Variants in BEAN1 observed in about 807,000 individuals in gnomAD.
BEAN1 encodes the protein brain expressed associated with NEDD4 1.
Under a neutral mutation model 17.7 loss-of-function variants are expected in BEAN1, and 17 were observed. The ratio of observed to expected loss-of-function variants is 0.96; its 90% CI spans 0.66 to 1.44. The LOEUF is 1.44. BEAN1 is among the 40% of genes most tolerant of loss of function. The probability of loss-of-function intolerance (pLI) is 0.00; values close to 1 mark genes in which losing one functional copy is unlikely to be tolerated. For synonymous variants in BEAN1, 142 were observed against 151.8 expected (o/e 0.94, Z 0.47); for missense variants, 359 against 374.1 (o/e 0.96, Z 0.33).
intron 2 of BEAN1, among the ~76,000 whole-genome samples, chr16:66,461,206 G>A (rs1042548933): frequency 6.7e-6 from 1 of 150,270 alleles, no homozygotes; most frequent in Non-Finnish European, 1.5e-5. Flanking sequence ...GTGGGAAGGG[G>A]GATTGTCATC....
At chr16:66,458,241 C>CT (rs1962947135) in intron 2 of BEAN1, among the ~76,000 whole-genome samples, 2 of 152,176 alleles carry the variant, frequency 1.3e-5, no homozygotes, top group African/African-American at 4.8e-5. Flanking sequence ...GAGCACTTCC[C>CT]TGAACCCAGA....
intron 2 of BEAN1, among the ~76,000 whole-genome samples, chr16:66,441,902 C>T (rs985557415): frequency 6.6e-6 from 1 of 152,156 alleles, no homozygotes; most frequent in Non-Finnish European, 1.5e-5. Context: ...CCCTCAACAC[C>T]GTCTTACTTT....
At chr16:66,449,202 T>C (rs1391007136) in intron 2 of BEAN1, among the ~76,000 whole-genome samples, 1 of 152,090 alleles carries the variant, frequency 6.6e-6, no homozygotes, top group Non-Finnish European at 1.5e-5. Flanking sequence ...TTGCTCAGTA[T>C]TATGTTGTGA....
At chr16:66,472,786 A>G (rs8047713) in intron 3 of BEAN1, among the ~76,000 whole-genome samples, 22,374 of 152,042 alleles carry the variant, frequency 0.15, 2,201 homozygotes, top group African/African-American at 0.26. Flanking sequence ...TTGGGAGGCC[A>G]AGGTGGGAGG....
In BEAN1 at chr16:66,482,516, G is replaced by C; in HGVS notation, c.*1591G>C. 4.9e-6 allele frequency: 1 copy of C among 202,924 alleles called. No homozygotes were observed. Among genetic ancestry groups the C allele is most frequent in the Non-Finnish European group, 1.0e-5 (1 of 98,410 alleles). 12.6% of individuals were successfully genotyped at this position (202,924 alleles called of 1,614,324 possible). ...CAGACTCCATCTGGGGGAGGGACTT[G>C]TTTACAAGCAGTTCTGACCACCTTA... On this transcript the variant is annotated 3_prime_UTR_variant, in exon 5 of 5. Coordinates refer to ENST00000536005, the MANE Select transcript of BEAN1 (RefSeq NM_001178020.3).
intron 4 of BEAN1, among the ~76,000 whole-genome samples, chr16:66,492,266 T>A (rs999721167): frequency 6.6e-6 from 1 of 151,622 alleles, no homozygotes; most frequent in African/African-American, 2.4e-5. Flanking sequence ...GGTCTCAAAC[T>A]CCTGACCTGA....
intron 2 of BEAN1, among the ~76,000 whole-genome samples, chr16:66,440,162 C>T (rs187058056): frequency 3.6e-5 from 5 of 139,666 alleles, no homozygotes; most frequent in Admixed American, 2.2e-4. Context: ...TGGAGTTTCA[C>T]GCTGCCACCC....
chr16:66,483,719 T>C (rs1964044577), downstream of BEAN1: 1 of 152,024 alleles, frequency 6.6e-6, no homozygotes, highest in African/African-American at 2.4e-5. Context: ...AAAATTCGAA[T>C]AGTCCATTAA....
chr16:66,478,333 G>A (rs1963844785), intron 4 of BEAN1, among the ~76,000 whole-genome samples: 2 of 152,210 alleles, frequency 1.3e-5, no homozygotes, highest in Admixed American at 6.5e-5. Flanking sequence ...GCCGGGCGTG[G>A]GGGCTCACGC....
In BEAN1 at chr16:66,493,170, CA is replaced by C; in HGVS notation, c.357del (p.Arg120GlyfsTer24). ...GAAGCCGTTCTCAGAACCGCGGGCA[CA>C]CGGATGCTTGAGCCGGGCACAGAGA... On this transcript the variant is annotated frameshift_variant, in exon 5 of 5. Coordinates refer to the BEAN1 transcript ENST00000561796. LOFTEE classifies it low-confidence loss of function (END_TRUNC). 1 of 702,990 alleles carries C rather than the reference CA, an allele frequency of 1.4e-6. No individual in the cohort carries two copies. Among genetic ancestry groups the C allele is most frequent in the South Asian group, 1.5e-5 (1 of 67,602 alleles). 43.5% of individuals were successfully genotyped at this position (702,990 alleles called of 1,614,324 possible).
At chr16:66,466,980 T>TA (rs1294419903) in intron 2 of BEAN1, among the ~76,000 whole-genome samples, 1 of 152,208 alleles carries the variant, frequency 6.6e-6, no homozygotes, top group East Asian at 1.9e-4. Flanking sequence ...AGGATGGAAG[T>TA]GTAGTCTTGG....
Position 66,469,787 on chromosome 16 carries a change from C to A in BEAN1, c.211C>A (p.Arg71Ser), listed in dbSNP as rs1963399842. The change falls in exon 3 of 5, where the codon CGC becomes AGC. Residue 71 changes from arginine (R) to serine (S), a missense_variant. Coordinates refer to ENST00000536005, the MANE Select transcript of BEAN1 (RefSeq NM_001178020.3). ...RDRQARLQRH[R>S]HRHHRHHHHH... ...CAGGCAGGCCCGGCTTCAGCGGCAC[C>A]GCCACCGCCACCACCGCCACCACCA... The A allele has an allele frequency of 6.5e-7, 1 of 1,535,706 alleles. No individual in the cohort carries two copies. The highest frequency in any genetic ancestry group is 8.7e-7 in the Non-Finnish European group (1 of 1,146,742).
chr16:66,462,309 G>C (rs1229904216), intron 2 of BEAN1, among the ~76,000 whole-genome samples: 1 of 152,226 alleles, frequency 6.6e-6, no homozygotes, highest in Non-Finnish European at 1.5e-5. Context: ...ATAAAAATTA[G>C]AGGTTGGCAC....
chr16:66,464,058 T>C (rs1359804567), intron 2 of BEAN1, among the ~76,000 whole-genome samples: 1 of 152,226 alleles, frequency 6.6e-6, no homozygotes, highest in Non-Finnish European at 1.5e-5. Context: ...AATCAGGAAA[T>C]GCGTCCCCTC....
At chr16:66,494,423 G>A (rs1964219083), downstream of BEAN1, among the ~76,000 whole-genome samples, 1 of 152,128 alleles carries the variant, frequency 6.6e-6, no homozygotes, top group Non-Finnish European at 1.5e-5. Context: ...TTCCCAGGAG[G>A]CTGGGAAGAG....
At chr16:66,449,725 G>A (rs1366422458) in intron 2 of BEAN1, among the ~76,000 whole-genome samples, 1 of 151,666 alleles carries the variant, frequency 6.6e-6, no homozygotes, top group Non-Finnish European at 1.5e-5. Flanking sequence ...GATCCCAATA[G>A]TTCAAGGACT....
chr16:66,462,756 G>A (rs565414120), intron 2 of BEAN1, among the ~76,000 whole-genome samples: 32 of 151,986 alleles, frequency 2.1e-4, no homozygotes, highest in African/African-American at 6.3e-4. Context: ...AGCTGAGATC[G>A]CGCCATTGCA....
At chr16:66,453,010 C>T (rs554094908) in intron 2 of BEAN1, among the ~76,000 whole-genome samples, 1 of 152,274 alleles carries the variant, frequency 6.6e-6, no homozygotes, top group South Asian at 2.1e-4. Flanking sequence ...ATTACTAGCA[C>T]CTACCTCATA....
chr16:66,435,828 T>A (rs1961992758), intron 1 of BEAN1, among the ~76,000 whole-genome samples: 1 of 152,184 alleles, frequency 6.6e-6, no homozygotes, highest in Non-Finnish European at 1.5e-5. Flanking sequence ...CAGAGAACTG[T>A]CTTTGGAGAG....
Sources: allele counts gnomAD v4.1 joint callset (sites outside exome capture counted in the v4.1 genomes callset), GRCh38; gene constraint gnomAD v4.1.1; transcripts MANE v1.5; gene names NCBI Gene and HGNC (gene_info 2026-07-23, HGNC 2026-07-21).